Variants in SAMD8 observed in about 807,000 individuals in gnomAD.
SAMD8 encodes the protein sphingomyelin synthase-related protein 1.
SAMD8 carries 20 observed loss-of-function variants against 42.0 expected under a neutral mutation model. The ratio of observed to expected loss-of-function variants is 0.48; its 90% CI spans 0.34 to 0.69. SAMD8 has a LOEUF of 0.69. Ranked by LOEUF, SAMD8 falls within the 30% of genes least tolerant of loss-of-function variation. The pLI, the probability that SAMD8 is intolerant of heterozygous loss-of-function variation, is 0.01. For synonymous variants in SAMD8, 162 were observed against 173.0 expected (o/e 0.94, Z 0.50); for missense variants, 328 against 511.6 (o/e 0.64, Z 3.46).
chr10:75,113,859 A>C (rs1848822566), intron 1 of SAMD8, among the ~76,000 whole-genome samples: 1 of 152,254 alleles, frequency 6.6e-6, no homozygotes, highest in South Asian at 2.1e-4. Context: ...TGTGAATAAA[A>C]GTCATGGCAT....
At chr10:75,127,238 T>C (rs1849166896) in intron 1 of SAMD8, among the ~76,000 whole-genome samples, 1 of 152,154 alleles carries the variant, frequency 6.6e-6, no homozygotes, top group African/African-American at 2.4e-5. Context: ...TGATACATTC[T>C]TCTGCTGATA....
At chr10:75,121,883 C>T (rs1276395045) in intron 1 of SAMD8, among the ~76,000 whole-genome samples, 1 of 151,980 alleles carries the variant, frequency 6.6e-6, no homozygotes, top group African/African-American at 2.4e-5. Flanking sequence ...ATAGAGACAG[C>T]ATTTCACCAT....
chr10:75,102,820 C>T (rs1166210975), intron 1 of SAMD8, among the ~76,000 whole-genome samples: 1 of 151,888 alleles, frequency 6.6e-6, no homozygotes, highest in Non-Finnish European at 1.5e-5. Context: ...GGCGTGGTGG[C>T]GCATGCCTGT....
chr10:75,139,507 TTTTCAAAAGATA>T (rs2039078862), intron 1 of SAMD8, among the ~76,000 whole-genome samples: 1 of 152,208 alleles, frequency 6.6e-6, no homozygotes, highest in Non-Finnish European at 1.5e-5. Flanking sequence ...TAAAACTATC[TTTTCAAAAGATA>T]TTTAATAGCA....
At chr10:75,137,224 G>A (rs1839909507) in intron 1 of SAMD8, among the ~76,000 whole-genome samples, 1 of 152,190 alleles carries the variant, frequency 6.6e-6, no homozygotes, top group Non-Finnish European at 1.5e-5. Context: ...ATACATAGAA[G>A]GGGATATTAT....
chr10:75,174,557 C>T (rs562149331), intron 4 of SAMD8, among the ~76,000 whole-genome samples: 2 of 151,542 alleles, frequency 1.3e-5, no homozygotes, highest in African/African-American at 4.8e-5. Flanking sequence ...GCCTCAGTCT[C>T]CTGAGTAGCT....
At chr10:75,158,625 G>T (rs1412450438) in intron 2 of SAMD8, among the ~76,000 whole-genome samples, 1 of 151,912 alleles carries the variant, frequency 6.6e-6, no homozygotes, top group Non-Finnish European at 1.5e-5. Flanking sequence ...CAATTCAGTG[G>T]GTTTTAGTGT....
intron 1 of SAMD8, among the ~76,000 whole-genome samples, chr10:75,104,517 C>T (rs773117500): frequency 3.3e-5 from 5 of 152,146 alleles, no homozygotes; most frequent in Non-Finnish European, 7.4e-5. Flanking sequence ...AGCCTAAGGC[C>T]CCAGGCTGAG....
chr10:75,116,563 T>C (rs1049493544), intron 1 of SAMD8, among the ~76,000 whole-genome samples: 1 of 152,242 alleles, frequency 6.6e-6, no homozygotes, highest in African/African-American at 2.4e-5. Context: ...AGGGCCTTCC[T>C]ATAGGTTAAC....
chr10:75,112,416 C>T (rs1221061095), intron 1 of SAMD8, among the ~76,000 whole-genome samples: 3 of 152,162 alleles, frequency 2.0e-5, no homozygotes, highest in Non-Finnish European at 2.9e-5. Context: ...TTTAAAACAT[C>T]AAAGATCACT....
In SAMD8 at chr10:75,152,251, G is replaced by A. The variant is rs191846429; in HGVS notation, c.578+1145G>A. 3.4e-3 allele frequency among the ~76,000 whole-genome samples: 518 copies of A among 151,588 alleles called. 2 individuals are homozygous for A. Among genetic ancestry groups the A allele is most frequent in the African/African-American group, 0.011 (475 of 41,480 alleles). On this transcript the variant is annotated intron_variant, in intron 2 of 5. Transcript: ENST00000542569. ...GAAAAATAAGAATAGGGCCGGGCGCGGTGGCTCACGCCTGTAATCCCAGCA... is the reference window on the plus strand; with the variant it reads ...GAAAAATAAGAATAGGGCCGGGCGCAGTGGCTCACGCCTGTAATCCCAGCA...
chr10:75,133,427 C>G (rs886372340), intron 1 of SAMD8, among the ~76,000 whole-genome samples: 1 of 152,102 alleles, frequency 6.6e-6, no homozygotes, highest in African/African-American at 2.4e-5. Flanking sequence ...AATAGAACTA[C>G]CATACGATCC....
rs561450831 is a variant in SAMD8 at position 75,142,728 on chromosome 10, C to T, written c.-15-7786C>T. 8.5e-5 allele frequency among the ~76,000 whole-genome samples: 13 copies of T among 152,296 alleles called. No homozygotes were observed. In the South Asian group the frequency reaches 2.1e-3, roughly 24 times the overall value. ...GGGATTACAGGCATGAGCCACCACCCGGCCTAAATTATCTTTTAAAGAAAC... is the reference window on the plus strand; with the variant it reads ...GGGATTACAGGCATGAGCCACCACCTGGCCTAAATTATCTTTTAAAGAAAC... On this transcript the variant is annotated intron_variant, in intron 1 of 5. Coordinates refer to ENST00000542569, the MANE Select transcript of SAMD8 (RefSeq NM_001174156.2).
At position 75,150,840 on chromosome 10, in the gene SAMD8, T is replaced by A. The variant is rs779375426; in HGVS notation, c.312T>A (p.Leu104=). The change falls in exon 2 of 6, where the codon CTT becomes CTA. Residue 104 remains leucine, a synonymous_variant. Coordinates refer to ENST00000542569, the MANE Select transcript of SAMD8 (RefSeq NM_001174156.2). ...CCATGACCCCTTTCATCAGTGCTCT[T>A]CAGAGTACAGACTGGCTCTGTAATG... ...MGSMTPFISA[L]QSTDWLCNGE... The A allele has an allele frequency of 6.2e-7, 1 of 1,614,138 alleles. No homozygotes were observed. The highest frequency in any genetic ancestry group is 2.2e-5 in the East Asian group (1 of 44,884).
intron 4 of SAMD8, among the ~76,000 whole-genome samples, chr10:75,173,744 G>A (rs1840923679): frequency 6.6e-6 from 1 of 152,144 alleles, no homozygotes; most frequent in African/African-American, 2.4e-5. Flanking sequence ...AGGGAAAGCT[G>A]GGCAGTGTAT....
chr10:75,101,705 A>G (rs1848167764), intron 1 of SAMD8, among the ~76,000 whole-genome samples: 1 of 151,896 alleles, frequency 6.6e-6, no homozygotes, highest in African/African-American at 2.4e-5. Context: ...GGTCTCTCTG[A>G]CTCTACTATA....
At chr10:75,168,282 C>T (rs1278759802) in intron 3 of SAMD8, 2 of 239,582 alleles carry the variant, frequency 8.3e-6, no homozygotes, top group African/African-American at 4.7e-5. Flanking sequence ...CTCAGTTCCT[C>T]AGTCATACTG....
rs931421903 is a variant in SAMD8, at chr10:75,177,209, T to A, written c.*517T>A. The A allele has an allele frequency of 2.0e-5, 3 of 153,410 alleles. No homozygotes were observed. The highest frequency in any genetic ancestry group is 7.2e-5 in the African/African-American group (3 of 41,460). The allele number at this position is 153,410 out of a possible 1,614,324, so 9.5% of individuals were successfully genotyped here. A position where few individuals can be genotyped will look rare whatever the true frequency, so the allele number is the denominator to read the frequency against. On this transcript the variant is annotated 3_prime_UTR_variant, in exon 6 of 6. Transcript: ENST00000542569. ...GTTTTACTGACAAAGAGTTTTTGCC[T>A]TCTGAACCATCTTTAAATATACTGA... is the stretch of plus-strand genomic sequence containing the variant.
At chr10:75,122,612 CA>C (rs59709760) in intron 1 of SAMD8, among the ~76,000 whole-genome samples, 36,754 of 115,834 alleles carry the variant, frequency 0.32, 4,991 homozygotes, top group Middle Eastern at 0.45. Flanking sequence ...GACTCTGTCT[CA>C]AAAAAAAAAA....
Sources: allele counts gnomAD v4.1 joint callset (sites outside exome capture counted in the v4.1 genomes callset), GRCh38; gene constraint gnomAD v4.1.1; transcripts MANE v1.5; gene names NCBI Gene and HGNC (gene_info 2026-07-23, HGNC 2026-07-21).